LARGE1: variants seen among roughly 807,000 people sequenced by gnomAD.
The protein encoded by LARGE1 is LARGE xylosyl- and glucuronyltransferase 1.
In LARGE1, 43 loss-of-function variants were observed where a neutral mutation model predicts 87.6. The ratio of observed to expected loss-of-function variants is 0.49; its 90% CI spans 0.38 to 0.63. The LOEUF (loss-of-function observed/expected upper bound fraction) is 0.63. Ranked by LOEUF, LARGE1 falls within the 30% of genes least tolerant of loss-of-function variation. The pLI is 0.00. For missense variants in LARGE1, 802 were observed against 1,000.2 expected (o/e 0.80, Z 2.67); for synonymous variants, 434 against 394.6 (o/e 1.10, Z -1.18).
At chr22:33,314,643 T>C (rs1338332278) in intron 11 of LARGE1, among the ~76,000 whole-genome samples, 3 of 152,150 alleles carry the variant, frequency 2.0e-5, no homozygotes, top group Non-Finnish European at 4.4e-5. Flanking sequence ...ATCTCACCCA[T>C]AGGCTGGATA....
chr22:33,653,145 C>T (rs2080868936), intron 2 of LARGE1, among the ~76,000 whole-genome samples: 2 of 152,200 alleles, frequency 1.3e-5, no homozygotes, highest in South Asian at 4.2e-4. Flanking sequence ...AGATGAACCT[C>T]TGGCTTCCTC....
the LARGE1 span, among the ~76,000 whole-genome samples, chr22:33,068,774 C>G: frequency 2.0e-5 from 3 of 152,200 alleles, no homozygotes; most frequent in African/African-American, 4.8e-5. Context: ...AATTGGTAGT[C>G]TCCATCACCG....
rs761071115 is a variant in LARGE1 at position 33,650,492 on chromosome 22, G to A, written c.283C>T (p.Arg95Ter). 3 of 1,613,618 alleles carry A rather than the reference G, an allele frequency of 1.9e-6. No individual in the cohort carries two copies. The highest frequency in any genetic ancestry group is 2.5e-6 in the Non-Finnish European group (3 of 1,180,024). The change falls in exon 3 of 15, where the codon CGA (arginine) becomes TGA (stop). Residue 95 changes from arginine (R) to a stop codon, truncating the protein, a stop_gained. Transcript: ENST00000397394. LOFTEE classifies it high-confidence loss of function. Reference sequence around the variant, plus strand: ...GAGTAGGTCTTGGAGTGGTTGCCTCGGCGATGGGATGGGGCTCGGCCCTGG... The same window carrying A: ...GAGTAGGTCTTGGAGTGGTTGCCTCAGCGATGGGATGGGGCTCGGCCCTGG... ...LAQGRAPSHR[R>*]GNHSKTYSME...
chr22:33,477,166 C>T (rs2069116128), intron 6 of LARGE1, among the ~76,000 whole-genome samples: 1 of 152,164 alleles, frequency 6.6e-6, no homozygotes, highest in South Asian at 2.1e-4. Flanking sequence ...CCACCTGGGG[C>T]GTGAGAGACC....
intron 9 of LARGE1, among the ~76,000 whole-genome samples, chr22:33,338,411 T>C (rs1243566900): frequency 6.6e-6 from 1 of 152,168 alleles, no homozygotes; most frequent in Non-Finnish European, 1.5e-5. Context: ...TGGAATCGGT[T>C]GGTGATGCCA....
intron 2 of LARGE1, among the ~76,000 whole-genome samples, chr22:33,672,893 C>A (rs1241884623): frequency 6.6e-6 from 1 of 152,170 alleles, no homozygotes; most frequent in East Asian, 1.9e-4. Flanking sequence ...GTGTTCTTTA[C>A]AGCTCATCAG....
At chr22:33,685,311 A>G (rs1342780172) in intron 2 of LARGE1, among the ~76,000 whole-genome samples, 1 of 152,200 alleles carries the variant, frequency 6.6e-6, no homozygotes, top group Non-Finnish European at 1.5e-5. Flanking sequence ...AGAGGCATCT[A>G]ATAAAGCATG....
At chr22:33,648,027 G>T (rs759426233) in intron 3 of LARGE1, among the ~76,000 whole-genome samples, 9 of 152,176 alleles carry the variant, frequency 5.9e-5, no homozygotes, top group Non-Finnish European at 1.2e-4. Context: ...AAAGTGCTGG[G>T]ATTACAGGCA....
At chr22:33,654,095 A>C (rs1380283690) in intron 2 of LARGE1, among the ~76,000 whole-genome samples, 3 of 152,166 alleles carry the variant, frequency 2.0e-5, no homozygotes, top group Non-Finnish European at 4.4e-5. Flanking sequence ...AAATGGTTTT[A>C]ACCAAATTTA....
chr22:33,080,964 T>TCCATCCAC, the LARGE1 span, among the ~76,000 whole-genome samples: 2 of 149,276 alleles, frequency 1.3e-5, no homozygotes, highest in South Asian at 4.2e-4. Context: ...CATCCATCCA[T>TCCATCCAC]CCATCCATCC....
At chr22:33,785,306 C>T (rs1054839876) in intron 1 of LARGE1, among the ~76,000 whole-genome samples, 3 of 151,376 alleles carry the variant, frequency 2.0e-5, no homozygotes, top group South Asian at 2.1e-4. Flanking sequence ...TATATATATA[C>T]ACACACACCC....
intron 2 of LARGE1, among the ~76,000 whole-genome samples, chr22:33,708,547 C>G (rs941712743): frequency 6.6e-6 from 1 of 152,170 alleles, no homozygotes; most frequent in African/African-American, 2.4e-5. Context: ...AACTCATTCT[C>G]TTAGAGTTCT....
At chr22:33,878,670 A>G (rs2064561827) in intron 1 of LARGE1, among the ~76,000 whole-genome samples, 1 of 152,170 alleles carries the variant, frequency 6.6e-6, no homozygotes, top group African/African-American at 2.4e-5. Flanking sequence ...ATCTAACTCA[A>G]TGCTGAACTC....
intron 1 of LARGE1, among the ~76,000 whole-genome samples, chr22:33,845,295 T>G (rs1279679641): frequency 6.6e-6 from 1 of 152,110 alleles, no homozygotes; most frequent in Non-Finnish European, 1.5e-5. Context: ...ATAATGGATC[T>G]TATTTATTTA....
chr22:33,123,035 G>A, the LARGE1 span, among the ~76,000 whole-genome samples: 1 of 152,140 alleles, frequency 6.6e-6, no homozygotes, highest in Admixed American at 6.5e-5. Flanking sequence ...TAGAGAACTG[G>A]TGGGAACCTT....
intron 7 of LARGE1, among the ~76,000 whole-genome samples, chr22:33,412,752 G>A (rs1421559356): frequency 6.6e-6 from 1 of 152,078 alleles, no homozygotes; most frequent in African/African-American, 2.4e-5. Flanking sequence ...CCTCTACCTT[G>A]CTGGTTCAAG....
chr22:33,372,265 CAGAGAA>C (rs2064838126), intron 9 of LARGE1, among the ~76,000 whole-genome samples: 1 of 151,946 alleles, frequency 6.6e-6, no homozygotes, highest in Non-Finnish European at 1.5e-5. Flanking sequence ...TGATATGTGA[CAGAGAA>C]TTCAAAATTT....
At chr22:33,265,272 T>TA (rs1927870710) in intron 11 of LARGE1, among the ~76,000 whole-genome samples, 1 of 152,134 alleles carries the variant, frequency 6.6e-6, no homozygotes, top group South Asian at 2.1e-4. Context: ...ATAATCCTGG[T>TA]AAGTCAGTTT....
intron 1 of LARGE1, among the ~76,000 whole-genome samples, chr22:33,888,268 A>G (rs562229454): frequency 1.3e-4 from 20 of 152,342 alleles, no homozygotes; most frequent in African/African-American, 4.8e-4. Flanking sequence ...AAACGAAAAA[A>G]AAAAGTAATA....
Sources: allele counts gnomAD v4.1 joint callset (sites outside exome capture counted in the v4.1 genomes callset), GRCh38; gene constraint gnomAD v4.1.1; transcripts MANE v1.5; gene names NCBI Gene and HGNC (gene_info 2026-07-23, HGNC 2026-07-21).